Variants in ARHGAP21 observed in about 807,000 individuals in gnomAD.
The protein encoded by ARHGAP21 is Rho GTPase activating protein 21.
In ARHGAP21, 38 loss-of-function variants were observed where a neutral mutation model predicts 164.6. The ratio of observed to expected loss-of-function variants is 0.23; its 90% confidence interval spans 0.18 to 0.30. The LOEUF is 0.30. Among genes scored for constraint, ARHGAP21 ranks in the 10% least tolerant of loss-of-function variants. ARHGAP21 has a pLI of 1.00. For missense variants in ARHGAP21, 1,822 were observed against 2,370.7 expected (o/e 0.77, Z 4.81); for synonymous variants, 766 against 857.9 (o/e 0.89, Z 1.87).
At chr10:24,685,861 C>T (rs575412608) in intron 2 of ARHGAP21, among the ~76,000 whole-genome samples, 1 of 152,106 alleles carries the variant, frequency 6.6e-6, no homozygotes, top group African/African-American at 2.4e-5. Flanking sequence ...AGTTAACCCA[C>T]TCACTAACAT....
intron 4 of ARHGAP21, among the ~76,000 whole-genome samples, chr10:24,659,775 AT>A (rs1427256665): frequency 1.3e-5 from 2 of 152,192 alleles, no homozygotes; most frequent in African/African-American, 4.8e-5. Context: ...AAGTGCTGGG[AT>A]TACAGGCATG....
intron 4 of ARHGAP21, among the ~76,000 whole-genome samples, chr10:24,662,478 G>T (rs558164802): frequency 6.6e-6 from 1 of 152,258 alleles, no homozygotes; most frequent in African/African-American, 2.4e-5. Flanking sequence ...ACCTTACAGG[G>T]TTAGAGTGAG....
intron 9 of ARHGAP21, among the ~76,000 whole-genome samples, chr10:24,612,049 C>T (rs977197166): frequency 2.0e-5 from 3 of 152,212 alleles, no homozygotes; most frequent in Non-Finnish European, 4.4e-5. Context: ...ACGTTTCTCA[C>T]AGCTGACCAT....
chr10:24,721,233 T>C (rs533785232), intron 2 of ARHGAP21, among the ~76,000 whole-genome samples: 1 of 152,208 alleles, frequency 6.6e-6, no homozygotes, highest in South Asian at 2.1e-4. Context: ...AAGAGAACAG[T>C]AAAGGCAGGA....
intron 2 of ARHGAP21, among the ~76,000 whole-genome samples, chr10:24,698,148 CCTACA>C (rs1188811612): frequency 1.3e-5 from 2 of 151,908 alleles, no homozygotes; most frequent in Admixed American, 1.3e-4. Context: ...TGAATGGGAC[CCTACA>C]CAAGAAACTT....
chr10:24,647,481 A>C (rs1029656052), intron 4 of ARHGAP21, among the ~76,000 whole-genome samples: 4 of 152,240 alleles, frequency 2.6e-5, no homozygotes, highest in African/African-American at 9.6e-5. Flanking sequence ...GGGAAAAGAC[A>C]AAAGAAAAGT....
chr10:24,689,689 C>A (rs1416621980), intron 2 of ARHGAP21, among the ~76,000 whole-genome samples: 1 of 151,858 alleles, frequency 6.6e-6, no homozygotes, highest in Non-Finnish European at 1.5e-5. Context: ...TGCAGTGAGC[C>A]GTGATCACGC....
chr10:24,692,517 C>CA (rs1403823074), intron 2 of ARHGAP21, among the ~76,000 whole-genome samples: 2 of 152,210 alleles, frequency 1.3e-5, no homozygotes, highest in Non-Finnish European at 2.9e-5. Flanking sequence ...AAGTTGGAAA[C>CA]AACCCAAATG....
At chr10:24,623,833 G>A (rs1038116753) in intron 7 of ARHGAP21, among the ~76,000 whole-genome samples, 1 of 152,150 alleles carries the variant, frequency 6.6e-6, no homozygotes, top group Non-Finnish European at 1.5e-5. Flanking sequence ...CACCATGGAG[G>A]CCATTTTTTT....
At chr10:24,685,469 T>C (rs1184023191) in intron 2 of ARHGAP21, among the ~76,000 whole-genome samples, 1 of 152,210 alleles carries the variant, frequency 6.6e-6, no homozygotes, top group Non-Finnish European at 1.5e-5. Context: ...TTATTTACAT[T>C]CCTGATTTGC....
chr10:24,601,066 T>A (rs2076794496), intron 13 of ARHGAP21, 136 bp from the exon 14 acceptor site: 1 of 1,003,258 alleles, frequency 1.0e-6, no homozygotes, highest in African/African-American at 1.6e-5. Flanking sequence ...GCTCACTACA[T>A]TATTTGTGAG....
Position 24,585,356 on chromosome 10 carries a change from G to A in ARHGAP21, c.4933C>T (p.Pro1645Ser), listed in dbSNP as rs763923481. 2.6e-5 allele frequency: 42 copies of A among 1,613,508 alleles called. No individual in the cohort carries two copies. The highest frequency in any genetic ancestry group is 2.3e-4 in the Admixed American group (14 of 59,984). Residue 1645 changes from proline (P) to serine (S), a missense_variant, in exon 26 of 26, where the codon CCC (proline) becomes TCC (serine). Around this residue, in one of 5 missense-constraint regions of ARHGAP21, gnomAD observed 333 missense variants for 383.9 expected, o/e 0.87. Coordinates refer to ENST00000396432, the MANE Select transcript of ARHGAP21 (RefSeq NM_020824.4). ...AGCCTCTCTGAAGTCAAGGCTGTGG[G>A]GAACACGGGAAACTCGCTCTCGCTG... is the stretch of plus-strand genomic sequence containing the variant. ...TDSESEFPVF[P>S]TALTSERLFR... is the part of the protein sequence containing the mutation.
chr10:24,695,544 G>A (rs965185624), intron 2 of ARHGAP21, among the ~76,000 whole-genome samples: 1 of 151,420 alleles, frequency 6.6e-6, no homozygotes, highest in Admixed American at 6.6e-5. Flanking sequence ...ATTCCAGCCT[G>A]GGTGATGGAG....
chr10:24,677,441 T>C (rs1187314262), intron 2 of ARHGAP21, among the ~76,000 whole-genome samples: 3 of 152,164 alleles, frequency 2.0e-5, no homozygotes, highest in Non-Finnish European at 4.4e-5. Flanking sequence ...AATAAGAAAC[T>C]GGATCTTGGA....
chr10:24,621,124 A>G lies in ARHGAP21; in HGVS notation c.771T>C (p.Val257=). ...EIQVPPSPTD[V]AKSNTAVCVC... ...CACACACTGCTGTGTTTGATTTTGC[A>G]ACATCTGTTGGTGATGGAGGCACTT... Residue 257 remains valine (V), a synonymous_variant, in exon 9 of 26, where the codon GTT becomes GTC. Transcript: ENST00000396432. 1 of 1,613,770 alleles carries G rather than the reference A, an allele frequency of 6.2e-7. No individual in the cohort carries two copies. The highest frequency in any genetic ancestry group is 2.2e-5 in the East Asian group (1 of 44,880).
Position 24,586,127 on chromosome 10 carries a change from A to C in ARHGAP21, c.4183-21T>G, listed in dbSNP as rs200684106. ...GAACCCTGGGAAGCAAGAGAGAAGA[A>C]AGACTCTGAGCATAAGAATGCAGCT... On this transcript the variant is annotated intron_variant, in intron 25 of 25. Coordinates refer to ENST00000396432, the MANE Select transcript of ARHGAP21 (RefSeq NM_020824.4). 16 of 1,550,824 alleles carry C rather than the reference A, an allele frequency of 1.0e-5. No individual in the cohort carries two copies. The East Asian group carries it at 2.2e-4, about 22-fold the overall frequency.
chr10:24,667,151 A>G (rs1840274809), intron 3 of ARHGAP21, 142 bp from the exon 4 acceptor site: 1 of 462,360 alleles, frequency 2.2e-6, no homozygotes, highest in Non-Finnish European at 3.8e-6. Context: ...TAATGATCAC[A>G]TTCTCTTCTA....
chr10:24,601,678 TAAACTAATAAGA>T (rs2130909062), intron 13 of ARHGAP21, among the ~76,000 whole-genome samples: 1 of 152,284 alleles, frequency 6.6e-6, no homozygotes, highest in South Asian at 2.1e-4. Flanking sequence ...CCATTGCTAA[TAAACTAATAAGA>T]AAAGCAGAGT....
At chr10:24,589,441 CAG>C (rs2076242476) in intron 24 of ARHGAP21, 139 bp from the exon 25 acceptor site, 1 of 667,510 alleles carries the variant, frequency 1.5e-6, no homozygotes, top group South Asian at 2.2e-5. Flanking sequence ...AGTGGATAGT[CAG>C]AGCTCACAAA....
Sources: gnomAD v4.1 joint callset for allele counts (sites outside exome capture counted in the v4.1 genomes callset) on GRCh38, gnomAD v4.1.1 for gene constraint, gnomAD v4.1.1 regional missense constraint, MANE v1.5 for transcripts, NCBI Gene and HGNC (gene_info 2026-07-23, HGNC 2026-07-21) for gene names.